FAM107B: variants seen among roughly 807,000 people sequenced by gnomAD.
FAM107B encodes the protein protein FAM107B.
In FAM107B, 21 loss-of-function variants were observed where a neutral mutation model predicts 31.5. The ratio of observed to expected loss-of-function variants is 0.67; its 90% CI spans 0.47 to 0.96. The LOEUF (loss-of-function observed/expected upper bound fraction) is 0.96. FAM107B is among the 40% of genes least tolerant of loss of function. The pLI is 0.00. For missense variants in FAM107B, 452 were observed against 377.1 expected, an observed-to-expected ratio of 1.20 and a Z score of -1.64; for synonymous variants, 157 against 141.5, an observed-to-expected ratio of 1.11 and a Z score of -0.78.
intron 2 of FAM107B, chr10:14,661,692 A>G (rs1854245150): frequency 6.6e-6 from 1 of 152,068 alleles, no homozygotes; most frequent in South Asian, 2.1e-4. Context: ...TTCTATATCT[A>G]TGTCCCAGTG....
rs1156561857 is a variant in FAM107B, at chr10:14,526,861, G to A, written c.653+3471C>T. Among the ~76,000 whole-genome samples, 6 of 147,356 alleles carry A rather than the reference G, an allele frequency of 4.1e-5. No individual in the cohort carries two copies. In the East Asian group the frequency reaches 5.9e-4, roughly 15 times the overall value. ...ATTAATTTTTTTTTTTTTTTGAGAC[G>A]GAGTCTCGCTTTGTCACCCAGGCTG... On this transcript the variant is annotated intron_variant, in intron 3 of 4. Transcript: ENST00000181796.
At chr10:14,544,185 AG>A (rs1366216815) in intron 2 of FAM107B, among the ~76,000 whole-genome samples, 2 of 152,218 alleles carry the variant, frequency 1.3e-5, no homozygotes, top group African/African-American at 4.8e-5. Context: ...CAGCTACCAC[AG>A]TCAAGAAACA....
intron 1 of FAM107B, among the ~76,000 whole-genome samples, chr10:14,762,310 T>C (rs893495530): frequency 6.6e-6 from 1 of 152,198 alleles, no homozygotes; most frequent in Middle Eastern, 3.2e-3. Flanking sequence ...CACTCACAGA[T>C]GGTTAGTTAG....
chr10:14,570,168 G>C (rs1193797831), intron 2 of FAM107B, among the ~76,000 whole-genome samples: 3 of 151,954 alleles, frequency 2.0e-5, no homozygotes, highest in Non-Finnish European at 4.4e-5. Context: ...GTTAATATAA[G>C]GGTAGCCCAT....
chr10:14,599,557 C>T (rs1410971930), intron 2 of FAM107B, among the ~76,000 whole-genome samples: 2 of 152,152 alleles, frequency 1.3e-5, no homozygotes, highest in Non-Finnish European at 2.9e-5. Flanking sequence ...AATCCCAGCA[C>T]TTTGGGAGGC....
At chr10:14,553,673 G>A (rs570579218) in intron 2 of FAM107B, among the ~76,000 whole-genome samples, 5 of 152,302 alleles carry the variant, frequency 3.3e-5, no homozygotes, top group African/African-American at 7.2e-5. Context: ...AGTATGACTC[G>A]CAGAAGGAGC....
At chr10:14,735,434 G>T (rs1856277481) in intron 1 of FAM107B, among the ~76,000 whole-genome samples, 1 of 152,158 alleles carries the variant, frequency 6.6e-6, no homozygotes, top group African/African-American at 2.4e-5. Flanking sequence ...CTATTTTGGG[G>T]TGGGCCTTTG....
chr10:14,593,825 C>A (rs572759707), intron 2 of FAM107B, among the ~76,000 whole-genome samples: 2 of 152,194 alleles, frequency 1.3e-5, no homozygotes, highest in South Asian at 2.1e-4. Context: ...ATACAAAGAA[C>A]TCCTCTGCAA....
chr10:14,623,855 C>T (rs532578815), intron 2 of FAM107B, among the ~76,000 whole-genome samples: 1 of 152,140 alleles, frequency 6.6e-6, no homozygotes, highest in East Asian at 1.9e-4. Context: ...CACACTTGGG[C>T]TATGTATCTT....
At chr10:14,657,075 C>A (rs1588687502) in intron 2 of FAM107B, among the ~76,000 whole-genome samples, 2 of 152,370 alleles carry the variant, frequency 1.3e-5, no homozygotes, top group African/African-American at 4.8e-5. Flanking sequence ...CCATCAACAC[C>A]ACATCAGGCT....
chr10:14,694,391 CT>C (rs1200233827), intron 1 of FAM107B, among the ~76,000 whole-genome samples: 1 of 151,974 alleles, frequency 6.6e-6, no homozygotes, highest in Non-Finnish European at 1.5e-5. Context: ...TATGTTTTGC[CT>C]TTTTTTCTGA....
intron 2 of FAM107B, among the ~76,000 whole-genome samples, chr10:14,622,673 A>C (rs17155589): frequency 6.6e-6 from 1 of 152,126 alleles, no homozygotes; most frequent in East Asian, 1.9e-4. Flanking sequence ...GCTTCCGTAC[A>C]CTAGACACAC....
intron 1 of FAM107B, among the ~76,000 whole-genome samples, chr10:14,732,841 A>G (rs1249472924): frequency 2.7e-5 from 4 of 147,198 alleles, no homozygotes; most frequent in Non-Finnish European, 4.5e-5. Context: ...ATTATAATAC[A>G]TTATAGAATA....
At chr10:14,549,951 C>G (rs190164204) in intron 2 of FAM107B, among the ~76,000 whole-genome samples, 7 of 152,170 alleles carry the variant, frequency 4.6e-5, no homozygotes, top group Non-Finnish European at 1.0e-4. Flanking sequence ...CTGGTAAATA[C>G]CCAGACATCG....
intron 1 of FAM107B, among the ~76,000 whole-genome samples, chr10:14,752,931 C>CAA (rs5783419): frequency 4.1e-4 from 59 of 142,816 alleles, no homozygotes; most frequent in Middle Eastern, 7.1e-3. Flanking sequence ...GACCCTGTCT[C>CAA]AAAAAAAAAA....
chr10:14,521,370 T>C, intron 4 of FAM107B, 64 bp from the exon 5 acceptor site: 1 of 1,352,782 alleles, frequency 7.4e-7, no homozygotes, highest in Non-Finnish European at 1.0e-6. Flanking sequence ...AATACTCTTC[T>C]CTCTTTTCAA....
chr10:14,522,088 T>A (rs1353001058), intron 3 of FAM107B, 69 bp from the exon 4 acceptor site: 46 of 1,549,232 alleles, frequency 3.0e-5, no homozygotes, highest in Non-Finnish European at 1.7e-6. Flanking sequence ...AACAGAAATT[T>A]AACTTACAAT....
chr10:14,688,209 C>G (rs981621086), intron 1 of FAM107B, among the ~76,000 whole-genome samples: 1 of 152,214 alleles, frequency 6.6e-6, no homozygotes, highest in African/African-American at 2.4e-5. Flanking sequence ...TGGGCTTACA[C>G]CAGTGGTTTG....
chr10:14,528,183 T>G (rs897919657), intron 3 of FAM107B: 3 of 179,770 alleles, frequency 1.7e-5, no homozygotes, highest in African/African-American at 7.8e-5. Context: ...GGTTTTTTTT[T>G]TTTTTTTTTT....
Sources: gnomAD v4.1 joint callset for allele counts (sites outside exome capture counted in the v4.1 genomes callset) on GRCh38, gnomAD v4.1.1 for gene constraint, MANE v1.5 for transcripts, NCBI Gene and HGNC (gene_info 2026-07-23, HGNC 2026-07-21) for gene names.